RPS6KA5: variants seen among roughly 807,000 people sequenced by gnomAD.
The protein encoded by RPS6KA5 is ribosomal protein S6 kinase alpha-5.
A neutral mutation model predicts 85.5 loss-of-function variants in RPS6KA5; 27 were observed. The ratio of observed to expected loss-of-function variants is 0.32; its 90% CI spans 0.23 to 0.44. The LOEUF is 0.44. Among genes scored for constraint, RPS6KA5 ranks in the 20% least tolerant of loss-of-function variants. The pLI is 1.00. For missense variants in RPS6KA5, 811 were observed against 980.9 expected (o/e 0.83, Z 2.31); for synonymous variants, 334 against 348.2 (o/e 0.96, Z 0.46).
At chr14:90,998,007 GAAAAAAAA>G (rs58227226) in intron 2 of RPS6KA5, among the ~76,000 whole-genome samples, 2 of 59,900 alleles carry the variant, frequency 3.3e-5, no homozygotes, top group African/African-American at 6.5e-5. Context: ...GACTCTGTCT[GAAAAAAAA>G]AAAAAAAAAA....
rs1433328884 is a variant in RPS6KA5 at position 90,858,318 on chromosome 14, A to C, written c.*13756T>G. 6.6e-6 allele frequency: 1 copy of C among 152,194 alleles called. No homozygotes were observed. The highest frequency in any genetic ancestry group is 1.5e-5 in the Non-Finnish European group (1 of 68,032). 9.4% of individuals were successfully genotyped at this position (152,194 alleles called of 1,614,324 possible). ...AATCATCAAAATCATCTATTTCAGA[A>C]AAATCGAATTCATTAAATAAATCTC... is the stretch of plus-strand genomic sequence containing the variant. On this transcript the variant is annotated 3_prime_UTR_variant, in exon 17 of 17. Coordinates refer to ENST00000614987, the MANE Select transcript of RPS6KA5 (RefSeq NM_004755.4).
rs541910392 is a variant in RPS6KA5, at chr14:90,986,155, C to T, written c.176-7631G>A. ...TACATTCAGAGTCCTGTGCTTACATCCAAAGATTCACAAGTGAAGTACTCT... is the reference window on the plus strand; with the variant it reads ...TACATTCAGAGTCCTGTGCTTACATTCAAAGATTCACAAGTGAAGTACTCT... On this transcript the variant is annotated intron_variant, in intron 2 of 16. Transcript: ENST00000614987. 3.9e-4 allele frequency among the ~76,000 whole-genome samples: 58 copies of T among 147,804 alleles called. 3 individuals carry two copies. The South Asian group carries it at 9.6e-3, about 24-fold the overall frequency.
intron 14 of RPS6KA5, among the ~76,000 whole-genome samples, chr14:90,881,744 G>A (rs995462854): frequency 4.0e-5 from 6 of 151,866 alleles, no homozygotes; most frequent in African/African-American, 1.2e-4. Flanking sequence ...CAAGCGACTC[G>A]CCTGCCTCGG....
intron 8 of RPS6KA5, among the ~76,000 whole-genome samples, chr14:90,905,695 T>A (rs2035459218): frequency 6.6e-6 from 1 of 152,186 alleles, no homozygotes; most frequent in South Asian, 2.1e-4. Flanking sequence ...AAATTTAAAA[T>A]TTTTAAAGAT....
At chr14:91,042,484 C>T (rs1408266021) in intron 1 of RPS6KA5, among the ~76,000 whole-genome samples, 1 of 152,132 alleles carries the variant, frequency 6.6e-6, no homozygotes, top group Non-Finnish European at 1.5e-5. Context: ...GCACTCCAGC[C>T]TGGGCACAGA....
intron 1 of RPS6KA5, among the ~76,000 whole-genome samples, chr14:91,025,957 T>C (rs923762922): frequency 6.6e-6 from 1 of 152,170 alleles, no homozygotes; most frequent in Non-Finnish European, 1.5e-5. Context: ...GTGACCATAG[T>C]ATCCAACAGG....
intron 3 of RPS6KA5, among the ~76,000 whole-genome samples, chr14:90,959,268 G>T (rs2038679614): frequency 6.6e-6 from 1 of 152,206 alleles, no homozygotes; most frequent in Non-Finnish European, 1.5e-5. Context: ...GTGCAGCACA[G>T]AGGCCCTGGC....
intron 11 of RPS6KA5, among the ~76,000 whole-genome samples, chr14:90,899,709 A>C (rs1307727603): frequency 6.6e-6 from 1 of 152,234 alleles, no homozygotes; most frequent in Admixed American, 6.5e-5. Context: ...TCTTAATAAT[A>C]ATCATCAGTT....
intron 13 of RPS6KA5, among the ~76,000 whole-genome samples, chr14:90,892,954 T>C (rs770338909): frequency 2.6e-5 from 4 of 152,164 alleles, no homozygotes; most frequent in Non-Finnish European, 5.9e-5. Flanking sequence ...AAAAGCCTTA[T>C]AACAAATAAG....
intron 13 of RPS6KA5, chr14:90,893,957 A>G: frequency 1.2e-6 from 1 of 819,738 alleles, no homozygotes; most frequent in African/African-American, 1.9e-5. Context: ...AATTAAACCA[A>G]GACAACTCTT....
At position 90,892,715 on chromosome 14, in the gene RPS6KA5, T is replaced by C. The variant is rs180695645; in HGVS notation, c.1644+1698A>G. Among the ~76,000 whole-genome samples the C allele has an allele frequency of 6.2e-3, 938 of 152,324 alleles. 5 individuals are homozygous for C. Among genetic ancestry groups the C allele is most frequent in the Non-Finnish European group, 8.7e-3 (595 of 68,028 alleles). On this transcript the variant is annotated intron_variant, in intron 13 of 16. Transcript: ENST00000614987. ...ATCCACATAGCTACCTACCAAAAGA[T>C]AGATAATCAGACCTTAAAGTGCCAC... is the stretch of plus-strand genomic sequence containing the variant.
At chr14:90,890,409 A>G (rs1344434252) in intron 14 of RPS6KA5, 78 bp downstream of exon 14, 1 of 1,261,944 alleles carries the variant, frequency 7.9e-7, no homozygotes, top group Non-Finnish European at 1.1e-6. Flanking sequence ...GAATGTAAGG[A>G]AACAGTGAAG....
At chr14:90,968,862 T>G (rs2039194989) in intron 3 of RPS6KA5, among the ~76,000 whole-genome samples, 1 of 152,228 alleles carries the variant, frequency 6.6e-6, no homozygotes, top group Non-Finnish European at 1.5e-5. Context: ...ATCACACAGT[T>G]AATAACCAAA....
At chr14:90,983,513 T>C (rs1233261943) in intron 2 of RPS6KA5, among the ~76,000 whole-genome samples, 1 of 150,812 alleles carries the variant, frequency 6.6e-6, no homozygotes, top group African/African-American at 2.4e-5. Flanking sequence ...AGTGGGAGAA[T>C]TGCTGGAACC....
chr14:90,907,034 T>C (rs1431531643), intron 7 of RPS6KA5, among the ~76,000 whole-genome samples: 1 of 152,196 alleles, frequency 6.6e-6, no homozygotes, highest in Non-Finnish European at 1.5e-5. Context: ...GAGAAATTTA[T>C]TCTAAGGATA....
At chr14:91,027,984 T>C (rs1441304593) in intron 1 of RPS6KA5, among the ~76,000 whole-genome samples, 1 of 152,226 alleles carries the variant, frequency 6.6e-6, no homozygotes, top group African/African-American at 2.4e-5. Context: ...GTACTTAGCA[T>C]ATAAAAGCAT....
rs2140122940 is a variant in RPS6KA5 at position 90,867,376 on chromosome 14, T to C, written c.*4698A>G. 1 of 152,088 alleles carries C rather than the reference T, an allele frequency of 6.6e-6. No homozygotes were observed. Among genetic ancestry groups the C allele is most frequent in the Non-Finnish European group, 1.5e-5 (1 of 67,948 alleles). 9.4% of individuals were successfully genotyped at this position (152,088 alleles called of 1,614,324 possible). On this transcript the variant is annotated 3_prime_UTR_variant, in exon 17 of 17. Transcript: ENST00000614987. ...TAAAGGGGCAAATTGTATACCAACATATAAATTAAAAGTGTTATGCAATGA... is the reference window on the plus strand; with the variant it reads ...TAAAGGGGCAAATTGTATACCAACACATAAATTAAAAGTGTTATGCAATGA...
intron 12 of RPS6KA5, 77 bp downstream of exon 12, chr14:90,899,252 C>A: frequency 9.8e-7 from 1 of 1,025,320 alleles, no homozygotes; most frequent in South Asian, 1.4e-5. Flanking sequence ...CCAGCAGCAC[C>A]AACAAAACGC....
intron 12 of RPS6KA5, among the ~76,000 whole-genome samples, chr14:90,894,809 T>C (rs1358767631): frequency 5.3e-5 from 8 of 152,222 alleles, no homozygotes; most frequent in Admixed American, 3.3e-4. Context: ...GAAATCTTTA[T>C]ACTGTATATC....
Sources: gnomAD v4.1 joint callset for allele counts (sites outside exome capture counted in the v4.1 genomes callset) on GRCh38, gnomAD v4.1.1 for gene constraint, MANE v1.5 for transcripts, NCBI Gene and HGNC (gene_info 2026-07-23, HGNC 2026-07-21) for gene names.